ESR2: variants seen among roughly 807,000 people sequenced by gnomAD.
ESR2 encodes the protein estrogen receptor 2.
ESR2 carries 36 observed loss-of-function variants against 49.6 expected under a neutral mutation model. The ratio of observed to expected loss-of-function variants is 0.73; its 90% CI spans 0.56 to 0.96. ESR2 has a LOEUF of 0.96. ESR2 is among the 40% of genes least tolerant of loss of function. ESR2 has a pLI of 0.00. For missense variants in ESR2, 714 were observed against 693.0 expected (o/e 1.03, Z -0.34); for synonymous variants, 320 against 266.1 (o/e 1.20, Z -1.97).
At chr14:64,332,834 C>T (rs1025897214) in intron 1 of ESR2, among the ~76,000 whole-genome samples, 8 of 148,770 alleles carry the variant, frequency 5.4e-5, no homozygotes, top group African/African-American at 9.8e-5. Flanking sequence ...TATGATCAAA[C>T]ATCTCCTCTC....
rs957620874 is a variant in ESR2, at chr14:64,265,196, G to C, written c.652+3599C>G. On this transcript the variant is annotated intron_variant, in intron 4 of 8. Transcript: ENST00000341099. ...AACCTAGGCAGCTGCCTCTGAGTGA[G>C]CTTAATGAGCAGCTCCACCAAATCG... is the stretch of plus-strand genomic sequence containing the variant. Among the ~76,000 whole-genome samples, 21 of 152,168 alleles carry C rather than the reference G, an allele frequency of 1.4e-4. 1 individual carries two copies. Among genetic ancestry groups the C allele is most frequent in the Non-Finnish European group, 2.9e-5 (2 of 68,032 alleles).
At chr14:64,240,521 ATTGT>A (rs1175540193) in intron 7 of ESR2, among the ~76,000 whole-genome samples, 1 of 152,132 alleles carries the variant, frequency 6.6e-6, no homozygotes, top group Non-Finnish European at 1.5e-5. Flanking sequence ...CTTTCATTAC[ATTGT>A]TTACAGATTC....
chr14:64,271,065 A>T (rs769030555), intron 3 of ESR2, among the ~76,000 whole-genome samples: 1 of 151,826 alleles, frequency 6.6e-6, no homozygotes, highest in Admixed American at 6.6e-5. Context: ...AAACAATAAC[A>T]TCTCTAGTAT....
At position 64,268,784 on chromosome 14, in the gene ESR2, C is replaced by A. The variant is rs1346878012; in HGVS notation, c.652+11G>T. On this transcript the variant is annotated intron_variant, in intron 4 of 8. Transcript: ENST00000341099. ...GGCCCATATTCAATAAGAAGGGAAG[C>A]AAGCACTCACCACACTTCACCATTC... 2 of 1,534,552 alleles carry A rather than the reference C, an allele frequency of 1.3e-6. No individual in the cohort carries two copies. Among genetic ancestry groups the A allele is most frequent in the Non-Finnish European group, 1.8e-6 (2 of 1,108,206 alleles).
At chr14:64,317,220 G>A (rs1471951129) in intron 1 of ESR2, among the ~76,000 whole-genome samples, 5 of 152,162 alleles carry the variant, frequency 3.3e-5, no homozygotes, top group African/African-American at 4.8e-5. Context: ...GGCCCAGGTC[G>A]CACCACTGCA....
intron 3 of ESR2, among the ~76,000 whole-genome samples, chr14:64,270,491 A>C (rs1766543663): frequency 6.6e-6 from 1 of 152,174 alleles, no homozygotes; most frequent in East Asian, 1.9e-4. Flanking sequence ...AGAATTCTAC[A>C]CATTAGCAAA....
chr14:64,253,322 C>T (rs970668192), intron 6 of ESR2, among the ~76,000 whole-genome samples: 5 of 151,932 alleles, frequency 3.3e-5, no homozygotes, highest in African/African-American at 1.2e-4. Flanking sequence ...TCCCAAGTAG[C>T]TGGGATTACA....
chr14:64,317,291 G>A (rs1385959014), intron 1 of ESR2, among the ~76,000 whole-genome samples: 1 of 152,068 alleles, frequency 6.6e-6, no homozygotes, highest in Non-Finnish European at 1.5e-5. Context: ...AAAAATACTT[G>A]AGACTGGATA....
intron 4 of ESR2, among the ~76,000 whole-genome samples, chr14:64,265,220 C>T (rs763662599): frequency 2.0e-5 from 3 of 152,148 alleles, no homozygotes; most frequent in Admixed American, 6.5e-5. Context: ...TCCACCAAAT[C>T]GAGTGCTCCA....
At chr14:64,245,229 T>C (rs1319065544) in intron 7 of ESR2, among the ~76,000 whole-genome samples, 1 of 152,108 alleles carries the variant, frequency 6.6e-6, no homozygotes, top group African/African-American at 2.4e-5. Context: ...GAAAGGAACT[T>C]CCTTAAAAGA....
rs577916279 is a variant in ESR2, at chr14:64,258,134, A to G, written c.953-770T>C. The stretch of plus-strand genomic sequence containing the variant: ...TGAAGTGGGATGATCGCCTGAGCCC[A>G]GGAGGTCGAGGCTGTAGTGAGCTGA... On this transcript the variant is annotated intron_variant, in intron 5 of 8. Coordinates refer to ENST00000341099, the MANE Select transcript of ESR2 (RefSeq NM_001437.3). Among the ~76,000 whole-genome samples the G allele has an allele frequency of 1.3e-4, 20 of 152,230 alleles. No homozygotes were observed. In the East Asian group the frequency reaches 3.3e-3, roughly 25 times the overall value.
intron 3 of ESR2, among the ~76,000 whole-genome samples, chr14:64,279,077 T>C (rs2076612488): frequency 6.6e-6 from 1 of 152,250 alleles, no homozygotes; most frequent in Non-Finnish European, 1.5e-5. Context: ...AACCCAATCA[T>C]TGCTTCCTAC....
In ESR2 at chr14:64,232,588, A is replaced by T. The variant is rs1403014417; in HGVS notation, c.*549T>A. On this transcript the variant is annotated 3_prime_UTR_variant, in exon 9 of 9. Transcript: ENST00000341099. ...AACCACAGTCCCTCTGGCCTTTGAC[A>T]GAATAAGCATCATATGATATGATCA... is the stretch of plus-strand genomic sequence containing the variant. The T allele has an allele frequency of 6.6e-6, 1 of 152,468 alleles. No homozygotes were observed. The highest frequency in any genetic ancestry group is 2.4e-5 in the African/African-American group (1 of 41,452). 9.4% of individuals were successfully genotyped at this position (152,468 alleles called of 1,614,324 possible).
chr14:64,270,121 G>T (rs1258854500), intron 3 of ESR2, among the ~76,000 whole-genome samples: 2 of 152,172 alleles, frequency 1.3e-5, no homozygotes, highest in East Asian at 1.9e-4. Flanking sequence ...CTTACATTAA[G>T]CCTATAATGA....
At chr14:64,284,010 C>T (rs1297527922) in intron 1 of ESR2, among the ~76,000 whole-genome samples, 1 of 151,650 alleles carries the variant, frequency 6.6e-6, no homozygotes, top group African/African-American at 2.4e-5. Flanking sequence ...ACTGCAACCT[C>T]CTGCCTCCCA....
At chr14:64,276,679 C>A (rs1567769138) in intron 3 of ESR2, among the ~76,000 whole-genome samples, 1 of 151,968 alleles carries the variant, frequency 6.6e-6, no homozygotes, top group Non-Finnish European at 1.5e-5. Flanking sequence ...AGCATTAAAA[C>A]AATGAAAATA....
At chr14:64,250,254 G>A (rs1049517013) in intron 6 of ESR2, among the ~76,000 whole-genome samples, 2 of 152,092 alleles carry the variant, frequency 1.3e-5, no homozygotes, top group East Asian at 1.9e-4. Flanking sequence ...GAAAGAAATC[G>A]CAATTAGAGA....
intron 5 of ESR2, 80 bp from the exon 6 acceptor site, chr14:64,257,444 G>T: frequency 6.5e-7 from 1 of 1,534,946 alleles, no homozygotes; most frequent in Non-Finnish European, 8.8e-7. Flanking sequence ...AATGGCAAGT[G>T]TTAAAACACT....
At chr14:64,323,624 TAGATG>T (rs1343958836) in intron 1 of ESR2, among the ~76,000 whole-genome samples, 1 of 152,244 alleles carries the variant, frequency 6.6e-6, no homozygotes, top group Non-Finnish European at 1.5e-5. Flanking sequence ...AGGTGGAGGC[TAGATG>T]AGATGATATA....
Sources: allele counts gnomAD v4.1 joint callset (sites outside exome capture counted in the v4.1 genomes callset), GRCh38; gene constraint gnomAD v4.1.1; transcripts MANE v1.5; gene names NCBI Gene and HGNC (gene_info 2026-07-23, HGNC 2026-07-21).